The following XYLT1 variants were observed in gnomAD, a reference collection of about 807,000 sequenced individuals.
XYLT1 encodes beta-D-xylosyltransferase 1.
A neutral mutation model predicts 91.3 loss-of-function variants in XYLT1; 36 were observed. The ratio of observed to expected loss-of-function variants is 0.39; its 90% CI spans 0.30 to 0.52. The LOEUF is 0.52. Among genes scored for constraint, XYLT1 ranks in the 20% least tolerant of loss-of-function variants. The pLI is 0.68. For missense variants in XYLT1, 1,242 were observed against 1,284.5 expected, an observed-to-expected ratio of 0.97 and a Z score of 0.51; for synonymous variants, 588 against 532.0, an observed-to-expected ratio of 1.11 and a Z score of -1.45.
intron 2 of XYLT1, among the ~76,000 whole-genome samples, chr16:17,302,737 G>A (rs920765387): frequency 6.6e-6 from 1 of 152,136 alleles, no homozygotes; most frequent in African/African-American, 2.4e-5. Flanking sequence ...AACCCTTCCT[G>A]AAAGAGGGAT....
chr16:17,342,823 A>C (rs1265541388), intron 2 of XYLT1, among the ~76,000 whole-genome samples: 1 of 152,214 alleles, frequency 6.6e-6, no homozygotes, highest in African/African-American at 2.4e-5. Context: ...CAGCTCCTAA[A>C]ACAGTATCCA....
At chr16:17,367,128 C>A (rs1417068208) in intron 1 of XYLT1, among the ~76,000 whole-genome samples, 5 of 152,186 alleles carry the variant, frequency 3.3e-5, no homozygotes, top group African/African-American at 1.2e-4. Context: ...GATGTTCTAC[C>A]AGAGCCCGGC....
intron 2 of XYLT1, among the ~76,000 whole-genome samples, chr16:17,283,458 A>G (rs1419672068): frequency 6.6e-6 from 1 of 152,130 alleles, no homozygotes; most frequent in African/African-American, 2.4e-5. Flanking sequence ...GTGTACACAC[A>G]CACGCATGTG....
chr16:17,450,497 G>A (rs556633057), intron 1 of XYLT1, among the ~76,000 whole-genome samples: 1 of 152,306 alleles, frequency 6.6e-6, no homozygotes, highest in East Asian at 1.9e-4. Flanking sequence ...AAGGACACGT[G>A]GGTCACACAC....
intron 9 of XYLT1, among the ~76,000 whole-genome samples, chr16:17,134,107 C>T (rs1298181240): frequency 6.6e-6 from 1 of 152,062 alleles, no homozygotes; most frequent in Non-Finnish European, 1.5e-5. Flanking sequence ...TTCCACTGTT[C>T]TATGTTGTAC....
rs993858625 is a variant in XYLT1 at position 17,413,145 on chromosome 16, A to G, written c.364-55095T>C. Among the ~76,000 whole-genome samples, 4 of 152,200 alleles carry G rather than the reference A, an allele frequency of 2.6e-5. 1 individual carries two copies. Among genetic ancestry groups the G allele is most frequent in the African/African-American group, 2.4e-5 (1 of 41,442 alleles). On this transcript the variant is annotated intron_variant, in intron 1 of 11. Transcript: ENST00000261381. ...AGTAGGCAGTCAGTGAATACAGCCC[A>G]AAGAGAGGTATGGCCACAGTCATCC...
intron 5 of XYLT1, among the ~76,000 whole-genome samples, chr16:17,166,190 G>A (rs2031675937): frequency 1.3e-5 from 2 of 152,228 alleles, no homozygotes; most frequent in African/African-American, 4.8e-5. Flanking sequence ...AAGCAACGGG[G>A]TCAGGGCAGA....
chr16:17,466,686 G>A (rs766212992), intron 1 of XYLT1, among the ~76,000 whole-genome samples: 9 of 152,116 alleles, frequency 5.9e-5, no homozygotes, highest in Admixed American at 1.3e-4. Flanking sequence ...GAAGGAAAGT[G>A]AATACATAGA....
rs539891641 is a variant in XYLT1, at chr16:17,388,052, C to T, written c.364-30002G>A. 4.7e-4 allele frequency among the ~76,000 whole-genome samples: 72 copies of T among 152,274 alleles called. 2 individuals are homozygous for T. In the South Asian group the frequency reaches 0.013, roughly 28 times the overall value. On this transcript the variant is annotated intron_variant, in intron 1 of 11. Transcript: ENST00000261381. ...TAGCCTAAGTTGAAAATGCATTTAA[C>T]GCACCTAACCTACCGAATATCACAG...
At chr16:17,196,382 A>C (rs185254807) in intron 5 of XYLT1, among the ~76,000 whole-genome samples, 42 of 152,374 alleles carry the variant, frequency 2.8e-4, no homozygotes, top group African/African-American at 1.0e-3. Context: ...GCTGTCTTAA[A>C]AAAGAGATCT....
rs573964948 is a variant in XYLT1 at position 17,275,769 on chromosome 16, G to A, written c.403-16271C>T. On this transcript the variant is annotated intron_variant, in intron 2 of 11. Transcript: ENST00000261381. ...TTCTCCGATCCAGGTCCTCTGGGAC[G>A]GGGCACTTAAGGAGACAAATGGGTC... 2.6e-5 allele frequency among the ~76,000 whole-genome samples: 4 copies of A among 152,178 alleles called. No individual in the cohort carries two copies. The South Asian group carries it at 8.3e-4, about 32-fold the overall frequency.
intron 2 of XYLT1, among the ~76,000 whole-genome samples, chr16:17,350,211 A>C (rs192649065): frequency 6.6e-6 from 1 of 152,306 alleles, no homozygotes; most frequent in Non-Finnish European, 1.5e-5. Flanking sequence ...TTAAGGGCTT[A>C]AATTCAAACT....
chr16:17,386,812 G>A (rs2035753284), intron 1 of XYLT1, among the ~76,000 whole-genome samples: 1 of 152,188 alleles, frequency 6.6e-6, no homozygotes, highest in South Asian at 2.1e-4. Context: ...AATCTTCACA[G>A]TAACCCAATA....
intron 3 of XYLT1, among the ~76,000 whole-genome samples, chr16:17,257,711 G>C (rs762273311): frequency 4.6e-5 from 7 of 152,080 alleles, no homozygotes; most frequent in Non-Finnish European, 8.8e-5. Flanking sequence ...AAGCTTGTAA[G>C]ATCACTTAAA....
chr16:17,185,393 A>G (rs8045221), intron 5 of XYLT1, among the ~76,000 whole-genome samples: 90,268 of 152,094 alleles, frequency 0.59, 29,012 homozygotes, highest in African/African-American at 0.84. Flanking sequence ...TGGAGGTTTT[A>G]TTGGATGGTT....
intron 6 of XYLT1, among the ~76,000 whole-genome samples, chr16:17,157,353 C>T (rs2031432562): frequency 1.3e-5 from 2 of 152,106 alleles, no homozygotes; most frequent in South Asian, 2.1e-4. Flanking sequence ...CAAAATGACA[C>T]TCCCACCAAC....
intron 5 of XYLT1, among the ~76,000 whole-genome samples, chr16:17,171,516 C>T (rs2031819013): frequency 6.6e-6 from 1 of 152,364 alleles, no homozygotes; most frequent in Middle Eastern, 3.4e-3. Flanking sequence ...CCAGTAGACT[C>T]TTTACCCACA....
At chr16:17,305,656 C>T (rs1179611466) in intron 2 of XYLT1, among the ~76,000 whole-genome samples, 1 of 151,926 alleles carries the variant, frequency 6.6e-6, no homozygotes, top group African/African-American at 2.4e-5. Context: ...CCTCATGATC[C>T]CTCCACCACC....
intron 3 of XYLT1, among the ~76,000 whole-genome samples, chr16:17,254,637 C>T (rs974983280): frequency 3.3e-5 from 5 of 152,168 alleles, no homozygotes; most frequent in African/African-American, 1.2e-4. Flanking sequence ...TCGGGTGATC[C>T]ACCTGCCTCG....
Sources: gnomAD v4.1 joint callset for allele counts (sites outside exome capture counted in the v4.1 genomes callset) on GRCh38, gnomAD v4.1.1 for gene constraint, MANE v1.5 for transcripts, NCBI Gene and HGNC (gene_info 2026-07-23, HGNC 2026-07-21) for gene names.